MINDY4B: variants seen among roughly 807,000 people sequenced by gnomAD.
The protein encoded by MINDY4B is inactive ubiquitin carboxyl-terminal hydrolase MINDY-4B.
MINDY4B carries 25 observed loss-of-function variants against 16.7 expected under a neutral mutation model. The ratio of observed to expected loss-of-function variants is 1.49; its 90% CI spans 1.09 to 2.09. MINDY4B has a LOEUF of 2.09. Ranked by LOEUF, MINDY4B falls within the 30% of genes most tolerant of loss-of-function variation. The pLI is 0.00. For synonymous variants in MINDY4B, 132 were observed against 61.9 expected, an observed-to-expected ratio of 2.13 and a Z score of -5.32; for missense variants, 327 against 168.4, an observed-to-expected ratio of 1.94 and a Z score of -5.21.
chr3:150,875,304 TATGTTATAC>T (rs1179145039), intron 10 of MINDY4B, among the ~76,000 whole-genome samples: 1 of 152,214 alleles, frequency 6.6e-6, no homozygotes, highest in Admixed American at 6.5e-5. Flanking sequence ...GTAATCAAAA[TATGTTATAC>T]AGGAAGTCAT....
intron 7 of MINDY4B, among the ~76,000 whole-genome samples, chr3:150,885,650 GC>G (rs1330105193): frequency 6.6e-6 from 1 of 152,026 alleles, no homozygotes; most frequent in Non-Finnish European, 1.5e-5. Context: ...CATTCTCTTG[GC>G]CCTCACCTTA....
In MINDY4B at chr3:150,879,271, C is replaced by G. The variant is rs769388127; in HGVS notation, c.1059+3626G>C. On this transcript the variant is annotated intron_variant, in intron 10 of 11. Coordinates refer to ENST00000465419, the MANE Select transcript of MINDY4B (RefSeq NM_001351281.2). Reference sequence around the variant, plus strand: ...CTTCCTCTAAAGCAGAGGTTCTCAACTAGGGTCAATTTTGCTCCCCAGGGG... The same window carrying G: ...CTTCCTCTAAAGCAGAGGTTCTCAAGTAGGGTCAATTTTGCTCCCCAGGGG... Among the ~76,000 whole-genome samples, 4 of 152,126 alleles carry G rather than the reference C, an allele frequency of 2.6e-5. No individual in the cohort carries two copies. The South Asian group carries it at 8.3e-4, about 32-fold the overall frequency.
chr3:150,883,881 C>T (rs1282787115), intron 8 of MINDY4B, 109 bp from the exon 9 acceptor site: 2 of 638,248 alleles, frequency 3.1e-6, no homozygotes, highest in African/African-American at 3.6e-5. Context: ...CTCTCCTAGT[C>T]ACTGTTTCTC....
chr3:150,874,672 A>G (rs775951023), intron 10 of MINDY4B, among the ~76,000 whole-genome samples: 2 of 152,140 alleles, frequency 1.3e-5, no homozygotes, highest in Non-Finnish European at 2.9e-5. Flanking sequence ...TTTTCTTCTC[A>G]GTCCTCAGAG....
At chr3:150,871,500 G>A (rs566794947) in intron 11 of MINDY4B, among the ~76,000 whole-genome samples, 115 of 151,538 alleles carry the variant, frequency 7.6e-4, no homozygotes, top group Non-Finnish European at 1.4e-3. Flanking sequence ...ACACCTTCCC[G>A]TACCATGATG....
At chr3:150,872,554 C>T (rs185398834) in intron 11 of MINDY4B, among the ~76,000 whole-genome samples, 6 of 152,232 alleles carry the variant, frequency 3.9e-5, no homozygotes, top group East Asian at 1.9e-4. Context: ...ATGATCTGTT[C>T]GGTTGTCTGC....
At position 150,871,194 on chromosome 3, in the gene MINDY4B, A is replaced by G. The variant is rs1019265682; in HGVS notation, c.1241-7T>C. 1 of 702,126 alleles carries G rather than the reference A, an allele frequency of 1.4e-6. No individual in the cohort carries two copies. Among genetic ancestry groups the G allele is most frequent in the African/African-American group, 1.8e-5 (1 of 57,068 alleles). 43.5% of individuals were successfully genotyped at this position (702,126 alleles called of 1,614,324 possible). A position where few individuals can be genotyped will look rare whatever the true frequency, so the allele number is the denominator to read the frequency against. ...CAGTGATGGGAGTGAGTATCTGAAG[A>G]AGGAATAGCCAGCATTTAGACCCAA... On this transcript the variant is annotated splice_region_variant and splice_polypyrimidine_tract_variant and intron_variant, in intron 11 of 11. Coordinates refer to ENST00000465419, the MANE Select transcript of MINDY4B (RefSeq NM_001351281.2).
intron 10 of MINDY4B, among the ~76,000 whole-genome samples, chr3:150,875,579 T>C (rs1263236955): frequency 1.3e-5 from 2 of 152,196 alleles, no homozygotes; most frequent in African/African-American, 4.8e-5. Context: ...GACACACTAT[T>C]GTTGCTTTAT....
intron 11 of MINDY4B, among the ~76,000 whole-genome samples, chr3:150,872,967 T>C (rs1717004099): frequency 6.6e-6 from 1 of 152,212 alleles, no homozygotes; most frequent in Non-Finnish European, 1.5e-5. Flanking sequence ...TCTCTGCTAT[T>C]TCTAACCCCC....
rs1716955253 is a variant in MINDY4B at position 150,871,110 on chromosome 3, T to C, written c.1318A>G (p.Met440Val). The change falls in exon 12 of 12, where the codon ATG (methionine) becomes GTG (valine). Residue 440 changes from methionine to valine, a missense_variant. Met to Val is a conservative substitution (Grantham distance 21, BLOSUM62 1). Coordinates refer to ENST00000465419, the MANE Select transcript of MINDY4B (RefSeq NM_001351281.2). Reference protein sequence around the residue: ...GPRRRFSPVEMAIRTKWSEAT... With the variant: ...GPRRRFSPVEVAIRTKWSEAT... ...TCGCTCCACTTGGTTCTGATTGCCA[T>C]CTCCACTGGTGAAAACCGTCGTCTT... The C allele has an allele frequency of 1.4e-6, 1 of 702,758 alleles. No individual in the cohort carries two copies. Among genetic ancestry groups the C allele is most frequent in the Admixed American group, 2.0e-5 (1 of 49,992 alleles). 43.5% of individuals were successfully genotyped at this position (702,758 alleles called of 1,614,324 possible).
At chr3:150,885,515 G>C (rs559831580) in intron 7 of MINDY4B, 77 bp from the exon 8 acceptor site, 3 of 685,422 alleles carry the variant, frequency 4.4e-6, no homozygotes, top group Non-Finnish European at 7.9e-6. Flanking sequence ...TGAATTCAAG[G>C]ATTTACAGGC....
In MINDY4B at chr3:150,883,688, C is replaced by G; in HGVS notation, c.897+12G>C. The G allele has an allele frequency of 1.4e-6, 1 of 702,758 alleles. No homozygotes were observed. The highest frequency in any genetic ancestry group is 2.0e-5 in the Admixed American group (1 of 50,004). The allele number at this position is 702,758 out of a possible 1,614,324, so 43.5% of individuals were successfully genotyped here. A position where few individuals can be genotyped will look rare whatever the true frequency, so the allele number is the denominator to read the frequency against. The stretch of plus-strand genomic sequence containing the variant: ...AGATTCTACAATAGAAAGGCAGAGT[C>G]TTCCAGCTCACCTGCCTGCACAGAA... On this transcript the variant is annotated intron_variant, in intron 9 of 11. Transcript: ENST00000465419.
At chr3:150,881,772 A>G (rs1559965199) in intron 10 of MINDY4B, among the ~76,000 whole-genome samples, 1 of 152,234 alleles carries the variant, frequency 6.6e-6, no homozygotes. Context: ...AACAAAGAAT[A>G]CAAACTCAAG....
intron 3 of MINDY4B, among the ~76,000 whole-genome samples, chr3:150,894,804 A>T (rs539764686): frequency 5.3e-4 from 81 of 152,298 alleles, no homozygotes; most frequent in Admixed American, 2.2e-3. Context: ...TTATAAACCA[A>T]ATGTATGAAA....
intron 6 of MINDY4B, 151 bp downstream of exon 6, chr3:150,890,787 C>A (rs1222171220): frequency 1.7e-5 from 10 of 586,708 alleles, no homozygotes; most frequent in Non-Finnish European, 2.8e-5. Context: ...GCTTGGATCA[C>A]TTACAGCCCT....
At chr3:150,873,495 G>C in intron 10 of MINDY4B, 128 bp from the exon 11 acceptor site, 4 of 569,986 alleles carry the variant, frequency 7.0e-6, no homozygotes, top group Non-Finnish European at 9.3e-6. Flanking sequence ...GCAGGGCACT[G>C]TACATAGAGC....
Position 150,892,185 on chromosome 3 carries a change from T to C in MINDY4B, c.522-1082A>G, listed in dbSNP as rs138950273. On this transcript the variant is annotated intron_variant, in intron 5 of 11. Coordinates refer to ENST00000465419, the MANE Select transcript of MINDY4B (RefSeq NM_001351281.2). ...AGGATGGCCCACAGCCAGTGCCTCA[T>C]TGGAGCAAGAGGTACAGAAGCCCTG... 4.8e-3 allele frequency among the ~76,000 whole-genome samples: 734 copies of C among 152,344 alleles called. 3 individuals carry two copies. Among genetic ancestry groups the C allele is most frequent in the African/African-American group, 0.017 (705 of 41,574 alleles).
chr3:150,900,079 G>A (rs1472178611), intron 3 of MINDY4B, among the ~76,000 whole-genome samples: 1 of 152,252 alleles, frequency 6.6e-6, no homozygotes, highest in African/African-American at 2.4e-5. Flanking sequence ...AAGGTCATTA[G>A]GTGGGGCTGG....
chr3:150,890,576 A>C, intron 6 of MINDY4B, 191 bp from the exon 7 acceptor site: 1 of 483,384 alleles, frequency 2.1e-6, no homozygotes, highest in South Asian at 4.2e-5. Context: ...TACCAGCATC[A>C]CTTCTACATT....
Sources: gnomAD v4.1 joint callset for allele counts (sites outside exome capture counted in the v4.1 genomes callset) on GRCh38, gnomAD v4.1.1 for gene constraint, MANE v1.5 for transcripts, NCBI Gene and HGNC (gene_info 2026-07-23, HGNC 2026-07-21) for gene names.